RBFOX1: variants seen among roughly 807,000 people sequenced by gnomAD.
The protein encoded by RBFOX1 is RNA binding fox-1 homolog 1.
A neutral mutation model predicts 57.7 loss-of-function variants in RBFOX1; 8 were observed. That is an observed-to-expected ratio of 0.14 (90% CI 0.08 to 0.25). RBFOX1 has a LOEUF of 0.25. RBFOX1 is among the 10% of genes least tolerant of loss of function. The pLI, the probability that RBFOX1 is intolerant of heterozygous loss-of-function variation, is 1.00. For synonymous variants in RBFOX1, 326 were observed against 222.4 expected (o/e 1.47, Z -4.15); for missense variants, 611 against 548.5 (o/e 1.11, Z -1.14).
At chr16:6,497,379 GTTC>G (rs2095799785) in intron 2 of RBFOX1, among the ~76,000 whole-genome samples, 1 of 152,068 alleles carries the variant, frequency 6.6e-6, no homozygotes, top group Admixed American at 6.5e-5. Flanking sequence ...TTCTCTAAAA[GTTC>G]TTCATTTCTC....
intron 14 of RBFOX1, among the ~76,000 whole-genome samples, chr16:7,690,561 G>C (rs1262761626): frequency 4.6e-5 from 7 of 152,150 alleles, no homozygotes; most frequent in Admixed American, 4.6e-4. Context: ...TGTGTTGAGA[G>C]AAAGCAGCAC....
intron 4 of RBFOX1, among the ~76,000 whole-genome samples, chr16:7,312,613 G>A (rs1215986873): frequency 6.6e-6 from 1 of 152,114 alleles, no homozygotes; most frequent in Non-Finnish European, 1.5e-5. Context: ...CCAGTGAGCT[G>A]TCATTCCTGC....
At chr16:7,456,774 A>G (rs1391433589) in intron 4 of RBFOX1, among the ~76,000 whole-genome samples, 1 of 152,136 alleles carries the variant, frequency 6.6e-6, no homozygotes, top group East Asian at 1.9e-4. Context: ...AGTGGTAGCA[A>G]TTGCAGGAGG....
chr16:5,855,155 A>G (rs1278766654), intron 3 of RBFOX1, among the ~76,000 whole-genome samples: 3 of 151,864 alleles, frequency 2.0e-5, no homozygotes, highest in Admixed American at 6.6e-5. Flanking sequence ...GTTTAGAAGT[A>G]TTTTCTCCCA....
chr16:6,644,297 C>T (rs2098516044), intron 2 of RBFOX1, among the ~76,000 whole-genome samples: 1 of 152,186 alleles, frequency 6.6e-6, no homozygotes, highest in South Asian at 2.1e-4. Context: ...AGGAGACCAT[C>T]TGTAATGTTG....
At chr16:5,892,498 A>G (rs2058068150) in intron 4 of RBFOX1, among the ~76,000 whole-genome samples, 1 of 152,162 alleles carries the variant, frequency 6.6e-6, no homozygotes, top group Admixed American at 6.5e-5. Flanking sequence ...CTTGGCTTGT[A>G]GTAAGAGTGG....
intron 4 of RBFOX1, among the ~76,000 whole-genome samples, chr16:7,362,303 T>TTA (rs1555781885): frequency 3.4e-4 from 52 of 151,234 alleles, no homozygotes; most frequent in African/African-American, 1.0e-3. Flanking sequence ...GTTTTTCGTG[T>TTA]GTTTGCGTGT....
intron 1 of RBFOX1, among the ~76,000 whole-genome samples, chr16:5,445,015 T>A (rs1343764120): frequency 1.3e-5 from 2 of 152,128 alleles, no homozygotes; most frequent in Non-Finnish European, 2.9e-5. Flanking sequence ...CTCCTTCTGT[T>A]TTTCTTCTGG....
intron 1 of RBFOX1, among the ~76,000 whole-genome samples, chr16:6,183,385 C>T (rs2097080564): frequency 6.6e-6 from 1 of 151,774 alleles, no homozygotes; most frequent in East Asian, 1.9e-4. Context: ...GAGGCTGAGG[C>T]AGGATAATAG....
rs780970860 is a variant in RBFOX1, at chr16:7,713,237, A to G, written c.*2492A>G. 2.6e-5 allele frequency: 4 copies of G among 152,246 alleles called. No homozygotes were observed. Among genetic ancestry groups the G allele is most frequent in the South Asian group, 2.1e-4 (1 of 4,832 alleles). The allele number at this position is 152,246 out of a possible 1,614,324, so 9.4% of individuals were successfully genotyped here. Reference sequence around the variant, plus strand: ...CAATCTGCAAACCCAGAAAATGTGTATATCTGTCTTTAGAAATTAGTGTTT... The same window carrying G: ...CAATCTGCAAACCCAGAAAATGTGTGTATCTGTCTTTAGAAATTAGTGTTT... On this transcript the variant is annotated 3_prime_UTR_variant, in exon 16 of 16. Coordinates refer to ENST00000550418, the MANE Select transcript of RBFOX1 (RefSeq NM_018723.4).
At chr16:7,378,324 C>G (rs913988914) in intron 4 of RBFOX1, among the ~76,000 whole-genome samples, 2 of 152,172 alleles carry the variant, frequency 1.3e-5, no homozygotes, top group African/African-American at 4.8e-5. Context: ...TTCTATCTTT[C>G]AGGGTCTACG....
chr16:6,571,170 C>T (rs1261662971), intron 2 of RBFOX1, among the ~76,000 whole-genome samples: 1 of 152,136 alleles, frequency 6.6e-6, no homozygotes, highest in East Asian at 1.9e-4. Context: ...TTTGTTTTGA[C>T]AACTACAAAC....
chr16:7,585,537 C>T (rs1054672072), intron 6 of RBFOX1, among the ~76,000 whole-genome samples: 3 of 152,180 alleles, frequency 2.0e-5, no homozygotes, highest in Non-Finnish European at 2.9e-5. Context: ...TGTTTCACAA[C>T]TTGAAATATG....
chr16:6,839,330 C>T (rs1236740970), intron 3 of RBFOX1, among the ~76,000 whole-genome samples: 1 of 152,190 alleles, frequency 6.6e-6, no homozygotes, highest in Admixed American at 6.5e-5. Flanking sequence ...GATAACTCCT[C>T]ACTCTACTAT....
At chr16:6,600,780 T>C (rs2097843634) in intron 2 of RBFOX1, among the ~76,000 whole-genome samples, 1 of 152,158 alleles carries the variant, frequency 6.6e-6, no homozygotes, top group Admixed American at 6.6e-5. Flanking sequence ...TATATCCTTT[T>C]ATGTGGATCA....
chr16:6,971,105 T>C (rs1271705776), intron 3 of RBFOX1, among the ~76,000 whole-genome samples: 2 of 152,218 alleles, frequency 1.3e-5, no homozygotes, highest in Non-Finnish European at 2.9e-5. Flanking sequence ...GTAGTTATAA[T>C]CTAGCGGAGG....
intron 5 of RBFOX1, among the ~76,000 whole-genome samples, chr16:7,522,058 C>T (rs1009600112): frequency 2.6e-5 from 4 of 152,164 alleles, no homozygotes; most frequent in African/African-American, 9.7e-5. Flanking sequence ...CATTCAGTGG[C>T]TGAGGCTGGT....
chr16:6,741,045 G>C (rs2071922101), intron 3 of RBFOX1, among the ~76,000 whole-genome samples: 1 of 152,122 alleles, frequency 6.6e-6, no homozygotes, highest in Non-Finnish European at 1.5e-5. Flanking sequence ...GAAGGGAAGA[G>C]AAGACACTGA....
chr16:7,069,934 A>G (rs745876044), intron 4 of RBFOX1, among the ~76,000 whole-genome samples: 1 of 152,238 alleles, frequency 6.6e-6, no homozygotes, highest in South Asian at 2.1e-4. Context: ...AAAATAGTAC[A>G]TTCGCCATAA....
Sources: allele counts gnomAD v4.1 joint callset (sites outside exome capture counted in the v4.1 genomes callset), GRCh38; gene constraint gnomAD v4.1.1; transcripts MANE v1.5; gene names NCBI Gene and HGNC (gene_info 2026-07-23, HGNC 2026-07-21).